DLEC1: variants seen among roughly 807,000 people sequenced by gnomAD.
DLEC1 encodes DLEC1 cilia and flagella associated protein, also known as deleted in lung and esophageal cancer protein 1.
DLEC1 carries 146 observed loss-of-function variants against 198.1 expected under a neutral mutation model. That is an observed-to-expected ratio of 0.74 (90% CI 0.64 to 0.85). The LOEUF (loss-of-function observed/expected upper bound fraction) is 0.85, where lower values mean the gene tolerates loss of function less well. Among genes scored for constraint, DLEC1 ranks in the 40% least tolerant of loss-of-function variants. DLEC1 has a pLI of 0.00. For synonymous variants in DLEC1, 897 were observed against 866.8 expected, an observed-to-expected ratio of 1.03 and a Z score of -0.61; for missense variants, 2,233 against 2,220.0, an observed-to-expected ratio of 1.01 and a Z score of -0.12.
At chr3:38,076,590 A>T (rs945651284) in intron 6 of DLEC1, among the ~76,000 whole-genome samples, 1 of 152,080 alleles carries the variant, frequency 6.6e-6, no homozygotes, top group Non-Finnish European at 1.5e-5. Context: ...CCGGCCATTT[A>T]CACTTCTTTT....
intron 10 of DLEC1, among the ~76,000 whole-genome samples, chr3:38,090,409 G>A (rs960685250): frequency 6.6e-6 from 1 of 152,112 alleles, no homozygotes; most frequent in Non-Finnish European, 1.5e-5. Flanking sequence ...TCTATACTCT[G>A]TTCTTTGCCT....
Position 38,112,849 on chromosome 3 carries a change from A to G in DLEC1, c.3666+488A>G, listed in dbSNP as rs1699961763. Among the ~76,000 whole-genome samples, 1 of 152,192 alleles carries G rather than the reference A, an allele frequency of 6.6e-6. No homozygotes were observed. Among genetic ancestry groups the G allele is most frequent in the Non-Finnish European group, 1.5e-5 (1 of 68,038 alleles). ...TGGGCCGCTGTAGTGTGGAGGATAC[A>G]GGGATGAATAAGGTAACCAGCAAGG... On this transcript the variant is annotated intron_variant, in intron 25 of 36. Transcript: ENST00000308059. This position sits in a 1 kb window ranked among gnomAD's most constrained non-coding sequence, Gnocchi z 4.8.
intron 33 of DLEC1, 29 bp from the exon 34 acceptor site, chr3:38,120,419 G>C (rs1484858273): frequency 1.9e-6 from 3 of 1,611,840 alleles, no homozygotes; most frequent in Non-Finnish European, 2.5e-6. Flanking sequence ...TCTGCAGCCG[G>C]AGTTGACACC....
intron 6 of DLEC1, among the ~76,000 whole-genome samples, chr3:38,080,779 C>A (rs995763752): frequency 7.0e-6 from 1 of 143,698 alleles, no homozygotes; most frequent in East Asian, 2.0e-4. Context: ...CGTAGAGACA[C>A]GGAGGGAAGG....
intron 6 of DLEC1, among the ~76,000 whole-genome samples, chr3:38,069,011 C>T (rs748700157): frequency 2.6e-5 from 4 of 152,064 alleles, no homozygotes; most frequent in Non-Finnish European, 4.4e-5. Context: ...TATCCATATC[C>T]TCCATCTATA....
intron 1 of DLEC1, 128 bp downstream of exon 1, chr3:38,039,764 G>A: frequency 8.0e-7 from 1 of 1,250,868 alleles, no homozygotes; most frequent in Non-Finnish European, 1.1e-6. Context: ...AGCCCATCAT[G>A]CCGAAGTGGG....
At position 38,114,324 on chromosome 3, in the gene DLEC1, G is replaced by T; in HGVS notation, c.3667-18G>T. On this transcript the variant is annotated intron_variant, in intron 25 of 36. Transcript: ENST00000308059. Reference sequence around the variant, plus strand: ...CAACCGGTGACAGGAGTGACAAAGGGCTGGGGTGTGTTTGCAGGTGGGAGA... The same window carrying T: ...CAACCGGTGACAGGAGTGACAAAGGTCTGGGGTGTGTTTGCAGGTGGGAGA... The T allele has an allele frequency of 6.2e-7, 1 of 1,613,124 alleles. No individual in the cohort carries two copies. The highest frequency in any genetic ancestry group is 8.5e-7 in the Non-Finnish European group (1 of 1,179,102).
intron 6 of DLEC1, among the ~76,000 whole-genome samples, chr3:38,078,615 G>A (rs1294078651): frequency 6.6e-6 from 1 of 152,206 alleles, no homozygotes; most frequent in Non-Finnish European, 1.5e-5. Flanking sequence ...GGGCTTGACT[G>A]AAGTAATGGG....
At chr3:38,083,399 AGCTT>A (rs1461652391) in intron 6 of DLEC1, among the ~76,000 whole-genome samples, 1 of 150,868 alleles carries the variant, frequency 6.6e-6, no homozygotes, top group Non-Finnish European at 1.5e-5. Context: ...TCAGTGGGGG[AGCTT>A]TTTGAGCCAG....
At chr3:38,103,950 C>T (rs1418463288) in intron 19 of DLEC1, among the ~76,000 whole-genome samples, 3 of 152,120 alleles carry the variant, frequency 2.0e-5, no homozygotes, top group Admixed American at 6.5e-5. Context: ...CACAGGTTAC[C>T]ATAACAGCTA....
In DLEC1 at chr3:38,039,268, C is replaced by T. The variant is rs1248943158; in HGVS notation, c.43C>T (p.Arg15Trp). Residue 15 changes from arginine to tryptophan, a missense_variant, in exon 1 of 37, where the codon CGG (arginine) becomes TGG (tryptophan). By Grantham distance (101) the Arg-to-Trp change is moderately radical. Transcript: ENST00000308059. ...SSKTRRSLASRTNECQGTMWA... is the reference protein window; with the variant it reads ...SSKTRRSLASWTNECQGTMWA... ...CAAAACGCGGAGGTCTTTAGCGTCC[C>T]GGACCAACGAGTGCCAGGGGACAAT... is the stretch of plus-strand genomic sequence containing the variant. 1.2e-6 allele frequency: 2 copies of T among 1,613,600 alleles called. No individual in the cohort carries two copies. The highest frequency in any genetic ancestry group is 1.7e-6 in the Non-Finnish European group (2 of 1,179,730).
chr3:38,085,440 G>A lies in DLEC1; in HGVS notation c.1428G>A (p.Val476=). 2 of 1,613,816 alleles carry A rather than the reference G, an allele frequency of 1.2e-6. No individual in the cohort carries two copies. The highest frequency in any genetic ancestry group is 1.7e-6 in the Non-Finnish European group (2 of 1,179,958). ...IPLQARRPPP[V]LTLSPVLDCG... is the part of the protein sequence containing the mutation. ...TGCAGGCCCGGAGGCCGCCCCCCGT[G>A]CTGACATGTGAGTGTGCACCGTAGC... Residue 476 remains valine (V), a synonymous_variant, in exon 8 of 37, where the codon GTG becomes GTA. Coordinates refer to ENST00000308059, the MANE Select transcript of DLEC1 (RefSeq NM_007335.4).
At chr3:38,119,015 T>C (rs901682897) in intron 33 of DLEC1, among the ~76,000 whole-genome samples, 8 of 152,054 alleles carry the variant, frequency 5.3e-5, no homozygotes, top group Non-Finnish European at 1.0e-4. Context: ...TTTGCTCCCT[T>C]CAACGAGCTA....
At chr3:38,074,374 G>C (rs926130587) in intron 6 of DLEC1, among the ~76,000 whole-genome samples, 2 of 152,230 alleles carry the variant, frequency 1.3e-5, no homozygotes, top group Non-Finnish European at 2.9e-5. Context: ...CCTAATGTCA[G>C]GAGTGGATTG....
chr3:38,051,980 G>A (rs181166740), intron 2 of DLEC1: 74 of 180,724 alleles, frequency 4.1e-4, no homozygotes, highest in Non-Finnish European at 2.6e-4. Context: ...ACATTTTGAC[G>A]TGGTAGACAT....
At chr3:38,102,309 T>C (rs1363772076) in intron 19 of DLEC1, among the ~76,000 whole-genome samples, 2 of 152,162 alleles carry the variant, frequency 1.3e-5, no homozygotes, top group East Asian at 1.9e-4. Flanking sequence ...CTCTTGCTCT[T>C]GTGTGGGTCA....
At chr3:38,107,087 G>A (rs1484527453) in intron 19 of DLEC1, among the ~76,000 whole-genome samples, 2 of 152,124 alleles carry the variant, frequency 1.3e-5, no homozygotes, top group Non-Finnish European at 2.9e-5. Flanking sequence ...CACTTAAATG[G>A]TAGTTTCAAC....
rs755106373 is a variant in DLEC1, at chr3:38,062,804, A to G, written c.1094+3A>G. 6 of 1,613,162 alleles carry G rather than the reference A, an allele frequency of 3.7e-6. No homozygotes were observed. The highest frequency in any genetic ancestry group is 1.3e-5 in the African/African-American group (1 of 74,946). ...CAGAGTACAGAGCCAGAACAGAGGT[A>G]TGTCTTTCTCTGGCTTGAACTCTCA... is the stretch of plus-strand genomic sequence containing the variant. On this transcript the variant is annotated splice_donor_region_variant and intron_variant, in intron 5 of 36. Coordinates refer to ENST00000308059, the MANE Select transcript of DLEC1 (RefSeq NM_007335.4).
At chr3:38,058,522 T>G (rs1696503228) in intron 2 of DLEC1, among the ~76,000 whole-genome samples, 1 of 152,200 alleles carries the variant, frequency 6.6e-6, no homozygotes, top group African/African-American at 2.4e-5. Context: ...AATAAAACTG[T>G]ATAAAAGCTG....
Sources: gnomAD v4.1 joint callset for allele counts (sites outside exome capture counted in the v4.1 genomes callset) on GRCh38, gnomAD v4.1.1 for gene constraint, Gnocchi (gnomAD v3.1) non-coding constraint, MANE v1.5 for transcripts, NCBI Gene and HGNC (gene_info 2026-07-23, HGNC 2026-07-21) for gene names.